The following RGS17 variants were observed in gnomAD, a reference collection of about 807,000 sequenced individuals.
RGS17 encodes regulator of G-protein signaling 17.
In RGS17, 12 loss-of-function variants were observed where a neutral mutation model predicts 25.5. The ratio of observed to expected loss-of-function variants is 0.47; its 90% CI spans 0.30 to 0.76. RGS17 has a LOEUF of 0.76. Among genes scored for constraint, RGS17 ranks in the 30% least tolerant of loss-of-function variants. The pLI is 0.07. For synonymous variants in RGS17, 71 were observed against 76.9 expected (o/e 0.92, Z 0.40); for missense variants, 196 against 242.2 (o/e 0.81, Z 1.27).
At chr6:153,069,785 C>A (rs1439209894) in intron 1 of RGS17, among the ~76,000 whole-genome samples, 1 of 138,438 alleles carries the variant, frequency 7.2e-6, no homozygotes, top group African/African-American at 2.6e-5. Context: ...TACTGTGTAG[C>A]CACAAAAATT....
At chr6:153,111,663 G>C (rs1403806334) in intron 1 of RGS17, among the ~76,000 whole-genome samples, 1 of 152,234 alleles carries the variant, frequency 6.6e-6, no homozygotes, top group African/African-American at 2.4e-5. Flanking sequence ...CCTCCCAGCA[G>C]GGGTTGACAG....
At chr6:153,055,844 C>G (rs1341405331) in intron 1 of RGS17, among the ~76,000 whole-genome samples, 2 of 152,186 alleles carry the variant, frequency 1.3e-5, no homozygotes, top group South Asian at 2.1e-4. Flanking sequence ...TTCTAGCTGT[C>G]CACAGTTTTA....
In RGS17 at chr6:153,008,303, C is replaced by T. The variant is rs1779098235; in HGVS notation, c.*3271G>A. 1 of 146,772 alleles carries T rather than the reference C, an allele frequency of 6.8e-6. No homozygotes were observed. 9.1% of individuals were successfully genotyped at this position (146,772 alleles called of 1,614,324 possible). On this transcript the variant is annotated 3_prime_UTR_variant, in exon 5 of 5. Transcript: ENST00000206262. The stretch of plus-strand genomic sequence containing the variant: ...ACTAAGACGGCATATCAGAACTGGT[C>T]ATTCTATGTACATATTTTAAGATTT...
At chr6:153,060,719 T>C (rs1276778602) in intron 1 of RGS17, among the ~76,000 whole-genome samples, 1 of 152,174 alleles carries the variant, frequency 6.6e-6, no homozygotes, top group African/African-American at 2.4e-5. Flanking sequence ...ATCGCACTTT[T>C]TTTTTTTTCT....
chr6:153,011,864 A>G, intron 4 of RGS17, 102 bp from the exon 5 acceptor site: 1 of 769,706 alleles, frequency 1.3e-6, no homozygotes, highest in Non-Finnish European at 2.0e-6. Context: ...TTTAAAGAGC[A>G]AATCCAACTA....
rs1377317867 is a variant in RGS17, at chr6:153,074,763, A to AT, written c.-25-30721dup. Among the ~76,000 whole-genome samples the AT allele has an allele frequency of 3.3e-5, 5 of 152,154 alleles. No homozygotes were observed. In the East Asian group the frequency reaches 7.7e-4, roughly 23 times the overall value. ...TAATTGGGCTAATATTTTAAAAAGG[A>AT]TTTTTTGGTATATACAACAGTCCAT... is the stretch of plus-strand genomic sequence containing the variant. On this transcript the variant is annotated intron_variant, in intron 1 of 4. Transcript: ENST00000206262.
intron 1 of RGS17, among the ~76,000 whole-genome samples, chr6:153,124,653 C>T (rs112382972): frequency 6.6e-6 from 1 of 152,026 alleles, no homozygotes; most frequent in African/African-American, 2.4e-5. Flanking sequence ...AGGCTAAATC[C>T]CTGGTTATTT....
At chr6:153,074,625 G>T (rs941383596) in intron 1 of RGS17, among the ~76,000 whole-genome samples, 4 of 152,176 alleles carry the variant, frequency 2.6e-5, no homozygotes, top group Non-Finnish European at 4.4e-5. Flanking sequence ...GGGGGAAAAG[G>T]CTGCCTTCAT....
chr6:153,036,565 C>T (rs1201429082), intron 2 of RGS17, among the ~76,000 whole-genome samples: 1 of 152,166 alleles, frequency 6.6e-6, no homozygotes, highest in Admixed American at 6.5e-5. Context: ...CCACGCTTGT[C>T]TTGCAAGCTT....
chr6:153,074,379 G>A (rs1776847643), intron 1 of RGS17, among the ~76,000 whole-genome samples: 1 of 152,156 alleles, frequency 6.6e-6, no homozygotes, highest in Non-Finnish European at 1.5e-5. Context: ...AATTCAACAT[G>A]AGTAATCTTT....
chr6:153,034,650 C>A (rs544630845), intron 2 of RGS17, among the ~76,000 whole-genome samples: 1 of 152,274 alleles, frequency 6.6e-6, no homozygotes, highest in East Asian at 1.9e-4. Context: ...CTGGAATGTA[C>A]TCAGGTCTGT....
chr6:153,092,921 G>A lies in RGS17; in HGVS notation c.-26+38203C>T, dbSNP rs528267465. On this transcript the variant is annotated intron_variant, in intron 1 of 4. Coordinates refer to ENST00000206262, the MANE Select transcript of RGS17 (RefSeq NM_012419.5). ...AGTGAAAGGTGGGGGGAAATGGACT[G>A]ACTAACTCCTGACACTACCAGGGCT... Among the ~76,000 whole-genome samples, 4 of 152,266 alleles carry A rather than the reference G, an allele frequency of 2.6e-5. No individual in the cohort carries two copies. In the East Asian group the frequency reaches 7.7e-4, roughly 29 times the overall value.
chr6:153,096,279 G>C (rs1483327100), intron 1 of RGS17, among the ~76,000 whole-genome samples: 1 of 152,148 alleles, frequency 6.6e-6, no homozygotes, highest in African/African-American at 2.4e-5. Context: ...AGTTCAATGT[G>C]GCTGAGGTCT....
intron 1 of RGS17, among the ~76,000 whole-genome samples, chr6:153,091,525 T>TACGCAGGCTCTGTC (rs1554242733): frequency 6.6e-6 from 1 of 151,048 alleles, no homozygotes; most frequent in Non-Finnish European, 1.5e-5. Flanking sequence ...CAGGCTGGAG[T>TACGCAGGCTCTGTC]ACACAGGCTC....
At chr6:153,032,547 AG>A (rs67828920) in intron 2 of RGS17, among the ~76,000 whole-genome samples, 79,558 of 151,058 alleles carry the variant, frequency 0.53, 21,301 homozygotes, top group East Asian at 0.75. Flanking sequence ...ACTGAAAAAA[AG>A]TTTCTGCGGG....
chr6:153,013,384 A>T (rs1779153529), intron 4 of RGS17, among the ~76,000 whole-genome samples: 1 of 152,148 alleles, frequency 6.6e-6, no homozygotes, highest in Non-Finnish European at 1.5e-5. Flanking sequence ...TGCTATTCCC[A>T]TATCTTTGTC....
chr6:153,115,014 T>C (rs113616058), intron 1 of RGS17, among the ~76,000 whole-genome samples: 1 of 152,128 alleles, frequency 6.6e-6, no homozygotes, highest in Non-Finnish European at 1.5e-5. Flanking sequence ...CTTTGAAAAC[T>C]GGCACAAGAC....
chr6:153,059,446 A>G (rs188943529), intron 1 of RGS17, among the ~76,000 whole-genome samples: 3 of 152,284 alleles, frequency 2.0e-5, no homozygotes, highest in Admixed American at 2.0e-4. Flanking sequence ...GCTTCTTTTG[A>G]CTATGCCCTT....
At chr6:153,101,388 G>A (rs1409868034) in intron 1 of RGS17, among the ~76,000 whole-genome samples, 1 of 152,162 alleles carries the variant, frequency 6.6e-6, no homozygotes, top group Non-Finnish European at 1.5e-5. Context: ...CATGGATGTG[G>A]TTATCCTCGG....
Sources: allele counts gnomAD v4.1 joint callset (sites outside exome capture counted in the v4.1 genomes callset), GRCh38; gene constraint gnomAD v4.1.1; transcripts MANE v1.5; gene names NCBI Gene and HGNC (gene_info 2026-07-23, HGNC 2026-07-21).